The following DYDC1 variants were observed in gnomAD, a reference collection of about 807,000 sequenced individuals.
DYDC1 encodes DPY30 domain-containing protein 1.
Under a neutral mutation model 27.9 loss-of-function variants are expected in DYDC1, and 21 were observed. That is an observed-to-expected ratio of 0.75 (90% CI 0.53 to 1.08). The LOEUF (loss-of-function observed/expected upper bound fraction) is 1.08. Among genes scored for constraint, DYDC1 ranks in the 50% least tolerant of loss-of-function variants. The pLI is 0.00. For synonymous variants in DYDC1, 67 were observed against 65.8 expected (o/e 1.02, Z -0.09); for missense variants, 202 against 205.9 (o/e 0.98, Z 0.12).
chr10:80,352,412 A>G (rs371751652), intron 2 of DYDC1, 43 bp downstream of exon 2: 1 of 1,513,624 alleles, frequency 6.6e-7, no homozygotes, highest in African/African-American at 1.4e-5. Context: ...AAGTTGGACC[A>G]GTTTTTTTTC....
At chr10:80,338,171 C>T (rs1283803792) in intron 6 of DYDC1, 1 of 985,398 alleles carries the variant, frequency 1.0e-6, no homozygotes, top group East Asian at 1.1e-4. Flanking sequence ...TCGTGCCCCC[C>T]ACACCAAATT....
Position 80,340,331 on chromosome 10 carries a change from C to CA in DYDC1, c.343-1179dup, listed in dbSNP as rs576107944. Among the ~76,000 whole-genome samples the CA allele has an allele frequency of 4.7e-4, 72 of 152,270 alleles. 2 individuals carry two copies. The East Asian group carries it at 0.012, about 25-fold the overall frequency. On this transcript the variant is annotated intron_variant, in intron 4 of 6. Transcript: ENST00000372202. ...TGCGAGTCTGCAGCCATAAGAAGGC[C>CA]AAGGGAAAGCACATGAGTGGACTCA...
At chr10:80,341,272 T>C (rs1398739539) in intron 4 of DYDC1, among the ~76,000 whole-genome samples, 3 of 150,918 alleles carry the variant, frequency 2.0e-5, no homozygotes, top group Non-Finnish European at 3.0e-5. Context: ...CAAAACCCCA[T>C]CTCTACTAAA....
At chr10:80,351,853 T>C (rs780704099) in intron 3 of DYDC1, 48 bp downstream of exon 3, 35 of 1,556,664 alleles carry the variant, frequency 2.2e-5, no homozygotes, top group African/African-American at 6.8e-5. Flanking sequence ...CATGCTGAGG[T>C]TGGCATCGTT....
intron 3 of DYDC1, among the ~76,000 whole-genome samples, chr10:80,342,776 T>G (rs914963404): frequency 6.6e-6 from 1 of 150,646 alleles, no homozygotes; most frequent in African/African-American, 2.4e-5. Context: ...AGGTCAGGAG[T>G]TTGAGACCAG....
Position 80,345,157 on chromosome 10 carries a change from T to C in DYDC1, c.250-2796A>G, listed in dbSNP as rs536229557. 2.2e-4 allele frequency among the ~76,000 whole-genome samples: 34 copies of C among 152,352 alleles called. No homozygotes were observed. In the Middle Eastern group the frequency reaches 0.01, roughly 46 times the overall value. On this transcript the variant is annotated intron_variant, in intron 3 of 6. Transcript: ENST00000372202. The stretch of plus-strand genomic sequence containing the variant: ...ATTATGTGTTATTGATCCAGCAGTG[T>C]CAACAGTGACCTTCATTCACTCTTG...
intron 3 of DYDC1, among the ~76,000 whole-genome samples, chr10:80,342,741 G>A (rs1366079597): frequency 2.0e-5 from 3 of 152,098 alleles, no homozygotes; most frequent in Non-Finnish European, 4.4e-5. Context: ...AGCACTTTGA[G>A]AAGCCAAGGT....
At chr10:80,336,081 A>C (rs1271250862), downstream of DYDC1, 1 of 1,036,566 alleles carries the variant, frequency 9.6e-7, no homozygotes, top group East Asian at 2.4e-5. Context: ...TGAAGGAAAA[A>C]AATACAAATT....
chr10:80,352,115 A>G (rs1405159321), intron 2 of DYDC1, 113 bp from the exon 3 acceptor site: 2 of 927,774 alleles, frequency 2.2e-6, no homozygotes, highest in Non-Finnish European at 3.3e-6. Flanking sequence ...AGCAAATTAT[A>G]GCCCATCCCT....
intron 3 of DYDC1, among the ~76,000 whole-genome samples, chr10:80,343,342 G>C (rs1362848634): frequency 6.6e-6 from 1 of 152,164 alleles, no homozygotes; most frequent in East Asian, 1.9e-4. Context: ...TTATAACAGA[G>C]ACCACATGTG....
At chr10:80,355,811 C>T (rs535386607) in intron 1 of DYDC1, among the ~76,000 whole-genome samples, 1 of 152,214 alleles carries the variant, frequency 6.6e-6, no homozygotes, top group East Asian at 1.9e-4. Flanking sequence ...GGAAAACAAA[C>T]TGGCACAAAT....
intron 3 of DYDC1, among the ~76,000 whole-genome samples, chr10:80,343,714 C>T (rs1258844269): frequency 6.6e-6 from 1 of 152,204 alleles, no homozygotes; most frequent in South Asian, 2.1e-4. Flanking sequence ...AATGGCAAAA[C>T]ATGTTTCTTG....
intron 1 of DYDC1, among the ~76,000 whole-genome samples, chr10:80,355,349 T>C (rs751829942): frequency 7.9e-5 from 12 of 151,962 alleles, no homozygotes; most frequent in Non-Finnish European, 1.8e-4. Flanking sequence ...TGAAATTTTA[T>C]GCCATAACTA....
At chr10:80,339,311 T>C (rs1842239191) in intron 4 of DYDC1, among the ~76,000 whole-genome samples, 158 bp from the exon 5 acceptor site, 2 of 152,214 alleles carry the variant, frequency 1.3e-5, no homozygotes, top group Non-Finnish European at 2.9e-5. Context: ...ATTACAAAAC[T>C]GCAGATCACA....
intron 3 of DYDC1, among the ~76,000 whole-genome samples, chr10:80,348,001 GA>G (rs2132806903): frequency 6.6e-6 from 1 of 152,260 alleles, no homozygotes; most frequent in Non-Finnish European, 1.5e-5. Flanking sequence ...AATGCCATTG[GA>G]ATTTTGATAG....
intron 3 of DYDC1, chr10:80,344,707 TC>T: frequency 3.5e-6 from 1 of 288,462 alleles, no homozygotes; most frequent in Non-Finnish European, 6.8e-6. Flanking sequence ...GATGGGTTTA[TC>T]AGGGGTTTCC....
intron 3 of DYDC1, among the ~76,000 whole-genome samples, chr10:80,345,718 C>T (rs567561079): frequency 6.6e-6 from 1 of 152,068 alleles, no homozygotes; most frequent in South Asian, 2.1e-4. Context: ...TTTCACTTAA[C>T]ATCATGTCCT....
At chr10:80,336,095 A>G (rs1842125388), downstream of DYDC1, 1 of 1,124,302 alleles carries the variant, frequency 8.9e-7, no homozygotes, top group Non-Finnish European at 1.3e-6. Flanking sequence ...ACAAATTGGG[A>G]ACCTCATGGT....
rs1032729095 is a variant in DYDC1 at position 80,346,444 on chromosome 10, CTTTTTTTTT to C, written c.250-4092_250-4084del. On this transcript the variant is annotated intron_variant, in intron 3 of 6. Transcript: ENST00000372202. ...TCACCAATGTGTGTCTCTTCCCTTT[CTTTTTTTTT>C]TTTTTTTTTTTTTTTTTTCTTTTTT... is the stretch of plus-strand genomic sequence containing the variant. 7.5e-3 allele frequency among the ~76,000 whole-genome samples: 627 copies of C among 83,388 alleles called. 1 individual carries two copies. Among genetic ancestry groups the C allele is most frequent in the African/African-American group, 0.029 (582 of 20,142 alleles). 54.7% of individuals were successfully genotyped at this position (83,388 alleles called of 152,430 possible). A position where few individuals can be genotyped will look rare whatever the true frequency, so the allele number is the denominator to read the frequency against.
Sources: gnomAD v4.1 joint callset for allele counts (sites outside exome capture counted in the v4.1 genomes callset) on GRCh38, gnomAD v4.1.1 for gene constraint, MANE v1.5 for transcripts, NCBI Gene and HGNC (gene_info 2026-07-23, HGNC 2026-07-21) for gene names.